BAG1: variants seen among roughly 807,000 people sequenced by gnomAD.
BAG1 encodes the protein BAG cochaperone 1, also known as BAG family molecular chaperone regulator 1.
In BAG1, 35 loss-of-function variants were observed where a neutral mutation model predicts 35.5. The ratio of observed to expected loss-of-function variants is 0.99; its 90% CI spans 0.75 to 1.31. The LOEUF is 1.31. Among genes scored for constraint, BAG1 ranks in the 50% most tolerant of loss-of-function variants. BAG1 has a pLI of 0.00. For synonymous variants in BAG1, 191 were observed against 178.9 expected, an observed-to-expected ratio of 1.07 and a Z score of -0.54; for missense variants, 464 against 453.6, an observed-to-expected ratio of 1.02 and a Z score of -0.21.
chr9:33,255,347 G>C (rs765823981), intron 6 of BAG1, 39 bp from the exon 7 acceptor site: 11 of 1,613,458 alleles, frequency 6.8e-6, no homozygotes, highest in Non-Finnish European at 9.3e-6. Flanking sequence ...CCCATCCAGG[G>C]GTAGCCGACC....
At chr9:33,255,404 G>A in intron 6 of BAG1, 96 bp from the exon 7 acceptor site, 2 of 1,574,964 alleles carry the variant, frequency 1.3e-6, no homozygotes, top group South Asian at 2.2e-5. Context: ...GGAACCCATG[G>A]CTGAGACTCA....
chr9:33,258,705 T>C (rs1820508033), intron 4 of BAG1, among the ~76,000 whole-genome samples: 1 of 152,240 alleles, frequency 6.6e-6, no homozygotes, highest in Non-Finnish European at 1.5e-5. Context: ...CATTATTTAA[T>C]TCTCCCAACA....
intron 2 of BAG1, 44 bp downstream of exon 2, chr9:33,262,658 A>G (rs1193527745): frequency 5.9e-6 from 2 of 339,444 alleles, no homozygotes; most frequent in African/African-American, 4.7e-5. Flanking sequence ...ACTTCGTCTC[A>G]AAAAAAAAAA....
chr9:33,263,044 T>C (rs1196267702), intron 1 of BAG1, among the ~76,000 whole-genome samples: 2 of 152,228 alleles, frequency 1.3e-5, no homozygotes, highest in Admixed American at 6.5e-5. Flanking sequence ...ATGAATGATA[T>C]CTGCTAACAT....
chr9:33,255,493 A>G (rs550679681), intron 6 of BAG1, among the ~76,000 whole-genome samples, 185 bp from the exon 7 acceptor site: 2 of 152,354 alleles, frequency 1.3e-5, no homozygotes, highest in East Asian at 3.9e-4. Flanking sequence ...TAGGACCAGC[A>G]TTCTGACCAT....
chr9:33,258,619 G>C (rs1235458940), intron 4 of BAG1, among the ~76,000 whole-genome samples: 1 of 152,178 alleles, frequency 6.6e-6, no homozygotes. Flanking sequence ...AGCATAAATG[G>C]ATGCTGGCTG....
chr9:33,260,345 C>T (rs1820542780), intron 3 of BAG1: 1 of 152,254 alleles, frequency 6.6e-6, no homozygotes, highest in African/African-American at 2.4e-5. Flanking sequence ...ATAGATAGGT[C>T]TAGCAGCTTT....
At position 33,264,414 on chromosome 9, in the gene BAG1, G is replaced by C. The variant is rs1445269717; in HGVS notation, c.261C>G (p.Thr87=). 2 of 1,612,486 alleles carry C rather than the reference G, an allele frequency of 1.2e-6. No homozygotes were observed. Among genetic ancestry groups the C allele is most frequent in the African/African-American group, 1.3e-5 (1 of 74,968 alleles). The change falls in exon 1 of 7, where the codon ACC becomes ACG. Residue 87 remains threonine (T), a synonymous_variant. Coordinates refer to ENST00000634734, the MANE Select transcript of BAG1 (RefSeq NM_004323.6). The stretch of plus-strand genomic sequence containing the variant: ...CACTCAGGGTCAACTCCTCGCTCCG[G>C]GTCAACTCCTCGCTCCGGGTCGAGC...
rs930857345 is a variant in BAG1 at position 33,253,224 on chromosome 9, T to C, written c.*1995A>G. On this transcript the variant is annotated 3_prime_UTR_variant, in exon 7 of 7. Coordinates refer to ENST00000634734, the MANE Select transcript of BAG1 (RefSeq NM_004323.6). Reference sequence around the variant, plus strand: ...ATCAGAGAATGGGCCTGTGCAACCCTGTGTTGGTTGAGAGGCAGTACAGTA... The same window carrying C: ...ATCAGAGAATGGGCCTGTGCAACCCCGTGTTGGTTGAGAGGCAGTACAGTA... 22 of 152,198 alleles carry C rather than the reference T, an allele frequency of 1.4e-4. No homozygotes were observed. Among genetic ancestry groups the C allele is most frequent in the African/African-American group, 5.3e-4 (22 of 41,496 alleles). 9.4% of individuals were successfully genotyped at this position (152,198 alleles called of 1,614,324 possible). A position where few individuals can be genotyped will look rare whatever the true frequency, so the allele number is the denominator to read the frequency against.
chr9:33,264,586 G>A lies in BAG1; in HGVS notation c.89C>T (p.Pro30Leu), dbSNP rs1264586564. The stretch of plus-strand genomic sequence containing the variant: ...CTGGGCCGGGGGCTCCGACTGGCGC[G>A]GCTCCCGGCCTGGCCGAAGGGCGCG... The change falls in exon 1 of 7, where the codon CCG becomes CTG. Residue 30 changes from proline (P) to leucine (L), a missense_variant. Transcript: ENST00000634734. The A allele has an allele frequency of 6.4e-6, 9 of 1,406,326 alleles. No individual in the cohort carries two copies. The highest frequency in any genetic ancestry group is 6.4e-6 in the Non-Finnish European group (7 of 1,090,202). 87.1% of individuals were successfully genotyped at this position (1,406,326 alleles called of 1,614,324 possible).
chr9:33,257,602 C>T (rs138975544), intron 4 of BAG1: 1 of 152,242 alleles, frequency 6.6e-6, no homozygotes, highest in Non-Finnish European at 1.5e-5. Context: ...GCAATTCCAA[C>T]TCAAAGAATT....
Position 33,264,430 on chromosome 9 carries a change from C to A in BAG1, c.245G>T (p.Arg82Leu), listed in dbSNP as rs560602319. 6.2e-7 allele frequency: 1 copy of A among 1,612,304 alleles called. No homozygotes were observed. Among genetic ancestry groups the A allele is most frequent in the Non-Finnish European group, 8.5e-7 (1 of 1,179,352 alleles). The change falls in exon 1 of 7, where the codon CGG (arginine) becomes CTG (leucine). Residue 82 changes from arginine (R) to leucine (L), a missense_variant. Physicochemically the swap from Arg to Leu is moderately radical, Grantham distance 102. Transcript: ENST00000634734. ...CTCGCTCCGGGTCAACTCCTCGCTC[C>A]GGGTCGAGCGGCGCCGGGTTTTCTT...
chr9:33,260,530 C>G (rs1820546724), intron 3 of BAG1: 1 of 152,242 alleles, frequency 6.6e-6, no homozygotes, highest in African/African-American at 2.4e-5. Context: ...GCTCATAATT[C>G]TGCTGTGTCA....
rs577602391 is a variant in BAG1 at position 33,255,667 on chromosome 9, C to T, written c.948+198G>A. On this transcript the variant is annotated intron_variant, in intron 6 of 6. Transcript: ENST00000634734. ...ACCTGCTCTCCAGTGAGTTCCCTCC[C>T]TAAATAGTTTAAATTCAAATATAAT... 7.7e-4 allele frequency among the ~76,000 whole-genome samples: 118 copies of T among 152,340 alleles called. 1 individual carries two copies. Among genetic ancestry groups the T allele is most frequent in the South Asian group, 1.9e-3 (9 of 4,832 alleles).
intron 2 of BAG1, 29 bp downstream of exon 2, chr9:33,262,673 A>AAAAG (rs201675123): frequency 1.3e-6 from 2 of 1,565,276 alleles, no homozygotes; most frequent in Non-Finnish European, 1.7e-6. Flanking sequence ...AAAAAAAAGA[A>AAAAG]AAAGAAAGAA....
chr9:33,254,516 A>G lies in BAG1; in HGVS notation c.*703T>C. On this transcript the variant is annotated 3_prime_UTR_variant, in exon 7 of 7. Coordinates refer to ENST00000634734, the MANE Select transcript of BAG1 (RefSeq NM_004323.6). ...AATCCATGGCTCTGGCCTGGTTTCAAGCACAGACTCAGTCAACACTGGGTT... is the reference window on the plus strand; with the variant it reads ...AATCCATGGCTCTGGCCTGGTTTCAGGCACAGACTCAGTCAACACTGGGTT... 6.5e-6 allele frequency: 1 copy of G among 154,136 alleles called. No individual in the cohort carries two copies. Among genetic ancestry groups the G allele is most frequent in the East Asian group, 1.9e-4 (1 of 5,210 alleles). 9.5% of individuals were successfully genotyped at this position (154,136 alleles called of 1,614,324 possible).
Position 33,255,928 on chromosome 9 carries a change from C to T in BAG1, c.886-1G>A. On this transcript the variant is annotated splice_acceptor_variant, in intron 5 of 6. Coordinates refer to ENST00000634734, the MANE Select transcript of BAG1 (RefSeq NM_004323.6). LOFTEE classifies it high-confidence loss of function. The stretch of plus-strand genomic sequence containing the variant: ...TGTCTTTGAAATTTTCTGGCAGGAT[C>T]TATGGAAGAGTAAGTTGATAATACA... The T allele has an allele frequency of 1.9e-6, 3 of 1,611,872 alleles. No homozygotes were observed. Among genetic ancestry groups the T allele is most frequent in the Non-Finnish European group, 2.5e-6 (3 of 1,177,980 alleles).
intron 4 of BAG1, 82 bp downstream of exon 4, chr9:33,258,838 C>A: frequency 8.6e-7 from 1 of 1,158,896 alleles, no homozygotes; most frequent in Non-Finnish European, 1.3e-6. Context: ...AGTCTGACTG[C>A]AGAACATGTC....
At chr9:33,261,790 T>C in intron 2 of BAG1, 3 of 817,008 alleles carry the variant, frequency 3.7e-6, no homozygotes, top group Non-Finnish European at 4.4e-6. Context: ...ACCAGAATGA[T>C]AGATTCTCAG....
Sources: gnomAD v4.1 joint callset for allele counts (sites outside exome capture counted in the v4.1 genomes callset) on GRCh38, gnomAD v4.1.1 for gene constraint, MANE v1.5 for transcripts, NCBI Gene and HGNC (gene_info 2026-07-23, HGNC 2026-07-21) for gene names.